Variants in MAST4 observed in about 807,000 individuals in gnomAD.
MAST4 encodes microtubule associated serine/threonine kinase family member 4.
MAST4 carries 89 observed loss-of-function variants against 162.7 expected under a neutral mutation model. That is an observed-to-expected ratio of 0.55 (90% confidence interval 0.46 to 0.65). The LOEUF is 0.65. MAST4 is among the 30% of genes least tolerant of loss of function. The probability of loss-of-function intolerance (pLI) is 0.00; values close to 1 mark genes in which losing one functional copy is unlikely to be tolerated. For synonymous variants in MAST4, 1,479 were observed against 1,361.1 expected, an observed-to-expected ratio of 1.09 and a Z score of -1.91; for missense variants, 3,153 against 3,374.0, an observed-to-expected ratio of 0.93 and a Z score of 1.62.
chr5:66,932,616 C>T (rs1425254313), intron 4 of MAST4, among the ~76,000 whole-genome samples: 1 of 152,180 alleles, frequency 6.6e-6, no homozygotes, highest in Non-Finnish European at 1.5e-5. Context: ...GATCTGAAAG[C>T]TGCATTATAA....
chr5:67,050,232 C>T (rs1758003193), intron 4 of MAST4, among the ~76,000 whole-genome samples: 1 of 152,202 alleles, frequency 6.6e-6, no homozygotes, highest in Non-Finnish European at 1.5e-5. Flanking sequence ...CCTTGTGAAA[C>T]TGTTTTCGCG....
At position 66,771,447 on chromosome 5, in the gene MAST4, A is replaced by G. The variant is rs149942986; in HGVS notation, c.517+11585A>G. Reference sequence around the variant, plus strand: ...GTGATCCTCCCGCCTCAGCCTCCCAAAGTGCTGGGATTACAGGCATAAGCC... The same window carrying G: ...GTGATCCTCCCGCCTCAGCCTCCCAGAGTGCTGGGATTACAGGCATAAGCC... On this transcript the variant is annotated intron_variant, in intron 2 of 28. Coordinates refer to ENST00000403625, the MANE Select transcript of MAST4 (RefSeq NM_001164664.2). Among the ~76,000 whole-genome samples the G allele has an allele frequency of 1.0e-2, 1,519 of 152,140 alleles. 31 individuals carry two copies. The highest frequency in any genetic ancestry group is 0.034 in the African/African-American group (1,411 of 41,508).
At chr5:66,734,414 G>A (rs1358275008) in intron 1 of MAST4, among the ~76,000 whole-genome samples, 3 of 152,172 alleles carry the variant, frequency 2.0e-5, no homozygotes, top group East Asian at 3.8e-4. Flanking sequence ...GCTATATTGT[G>A]TAATGTGGGC....
At chr5:66,639,496 T>A (rs1306003071) in intron 1 of MAST4, among the ~76,000 whole-genome samples, 1 of 152,158 alleles carries the variant, frequency 6.6e-6, no homozygotes, top group Non-Finnish European at 1.5e-5. Flanking sequence ...CATAACTATA[T>A]TGAGAAAGTG....
intron 4 of MAST4, among the ~76,000 whole-genome samples, chr5:67,050,107 CTTTGT>C (rs1757986730): frequency 6.6e-6 from 1 of 152,222 alleles, no homozygotes; most frequent in Non-Finnish European, 1.5e-5. Context: ...CCATAGTCCT[CTTTGT>C]CCCTCACACT....
chr5:66,805,172 C>T (rs1352542751), intron 3 of MAST4, among the ~76,000 whole-genome samples: 4 of 152,122 alleles, frequency 2.6e-5, no homozygotes, highest in South Asian at 2.1e-4. Context: ...AGTAAAGGAG[C>T]GGTTCATCTT....
intron 5 of MAST4, among the ~76,000 whole-genome samples, chr5:67,082,113 T>C (rs1762724047): frequency 6.6e-6 from 1 of 151,972 alleles, no homozygotes; most frequent in East Asian, 1.9e-4. Context: ...GCAACCCAAA[T>C]TGAGGGACAT....
rs771450795 is a variant in MAST4 at position 67,161,724 on chromosome 5, T to C, written c.3786-883T>C. 2.3e-4 allele frequency among the ~76,000 whole-genome samples: 35 copies of C among 152,364 alleles called. No homozygotes were observed. The Middle Eastern group carries it at 0.01, about 45-fold the overall frequency. On this transcript the variant is annotated intron_variant, in intron 27 of 28. Coordinates refer to ENST00000403625, the MANE Select transcript of MAST4 (RefSeq NM_001164664.2). Reference sequence around the variant, plus strand: ...TATGTTTATAGAAGTATTTGACTTTTTCACCCAAGTACATTTATTACTCTG... The same window carrying C: ...TATGTTTATAGAAGTATTTGACTTTCTCACCCAAGTACATTTATTACTCTG...
chr5:66,756,060 T>G (rs1580376324), intron 1 of MAST4, among the ~76,000 whole-genome samples: 1 of 152,340 alleles, frequency 6.6e-6, no homozygotes, highest in Non-Finnish European at 1.5e-5. Context: ...CTTGGTTATA[T>G]ACCTTTTATC....
Position 67,160,484 on chromosome 5 carries a change from C to T in MAST4, c.3677C>T (p.Thr1226Ile). The T allele has an allele frequency of 6.2e-7, 1 of 1,613,850 alleles. No individual in the cohort carries two copies. Among genetic ancestry groups the T allele is most frequent in the Non-Finnish European group, 8.5e-7 (1 of 1,179,804 alleles). The change falls in exon 27 of 29, where the codon ACC becomes ATC. Residue 1226 changes from threonine (T) to isoleucine (I), a missense_variant. This residue lies in a region of MAST4 where 619 missense variants were observed against 744.2 expected (regional missense o/e 0.83). Coordinates refer to ENST00000403625, the MANE Select transcript of MAST4 (RefSeq NM_001164664.2). ...GGGAATAAGGTGTCAATCACTACTA[C>T]CCCATTTGAAAACACATCAATCAAA... is the stretch of plus-strand genomic sequence containing the variant. ...KSGNKVSITT[T>I]PFENTSIKTG...
At chr5:66,653,580 C>T (rs1437108193) in intron 1 of MAST4, among the ~76,000 whole-genome samples, 1 of 152,210 alleles carries the variant, frequency 6.6e-6, no homozygotes, top group Non-Finnish European at 1.5e-5. Context: ...CCAGCTTGCT[C>T]TCTGTTCAGC....
intron 1 of MAST4, among the ~76,000 whole-genome samples, chr5:66,668,616 C>A (rs922251123): frequency 2.6e-5 from 4 of 152,132 alleles, no homozygotes; most frequent in Non-Finnish European, 5.9e-5. Flanking sequence ...TAGTACTAAC[C>A]CCACAAGGTG....
chr5:67,104,636 T>C, intron 10 of MAST4, 61 bp downstream of exon 10: 1 of 1,407,460 alleles, frequency 7.1e-7, no homozygotes, highest in Non-Finnish European at 9.8e-7. Flanking sequence ...AAAAAATTTT[T>C]TTTTGCTTAC....
chr5:66,847,214 T>C (rs754962005), intron 3 of MAST4, among the ~76,000 whole-genome samples: 1 of 152,134 alleles, frequency 6.6e-6, no homozygotes, highest in African/African-American at 2.4e-5. Context: ...GTCTTAATTC[T>C]GTCCCAGGGA....
chr5:66,711,043 T>C (rs529134141), intron 1 of MAST4, among the ~76,000 whole-genome samples: 1 of 152,294 alleles, frequency 6.6e-6, no homozygotes, highest in African/African-American at 2.4e-5. Flanking sequence ...CCTCTAACAC[T>C]GTGGATTAGT....
chr5:66,673,518 T>A (rs1747744841), intron 1 of MAST4, among the ~76,000 whole-genome samples: 1 of 138,478 alleles, frequency 7.2e-6, no homozygotes, highest in African/African-American at 2.5e-5. Flanking sequence ...TTTTTTTTGT[T>A]TTTTGTTTTT....
chr5:66,663,995 G>A (rs1033270873), intron 1 of MAST4, among the ~76,000 whole-genome samples: 1 of 152,140 alleles, frequency 6.6e-6, no homozygotes, highest in Non-Finnish European at 1.5e-5. Flanking sequence ...CATCCCATAT[G>A]CATTTTGAAG....
intron 1 of MAST4, among the ~76,000 whole-genome samples, chr5:66,729,020 A>G (rs1751684040): frequency 6.6e-6 from 1 of 152,190 alleles, no homozygotes; most frequent in Admixed American, 6.5e-5. Context: ...TGTTTTGTAA[A>G]CAAAATACTG....
At chr5:67,114,315 T>G (rs1766622923) in intron 12 of MAST4, 96 bp downstream of exon 12, 1 of 1,439,878 alleles carries the variant, frequency 6.9e-7, no homozygotes, top group Non-Finnish European at 9.3e-7. Context: ...TCCTCATGTT[T>G]TGGCTCTATC....
Sources: gnomAD v4.1 joint callset for allele counts (sites outside exome capture counted in the v4.1 genomes callset) on GRCh38, gnomAD v4.1.1 for gene constraint, gnomAD v4.1.1 regional missense constraint, MANE v1.5 for transcripts, NCBI Gene and HGNC (gene_info 2026-07-23, HGNC 2026-07-21) for gene names.